Variants in PREPL observed in about 807,000 individuals in gnomAD.
The protein encoded by PREPL is prolyl endopeptidase-like.
In PREPL, 77 loss-of-function variants were observed where a neutral mutation model predicts 70.6. The observed-to-expected ratio is 1.09, with a 90% confidence interval of 0.91 to 1.32. The LOEUF (loss-of-function observed/expected upper bound fraction) is 1.32, where lower values mean the gene tolerates loss of function less well. Among genes scored for constraint, PREPL ranks in the 40% most tolerant of loss-of-function variants. The pLI is 0.00. For synonymous variants in PREPL, 315 were observed against 264.8 expected, an observed-to-expected ratio of 1.19 and a Z score of -1.84; for missense variants, 1,002 against 778.2, an observed-to-expected ratio of 1.29 and a Z score of -3.42.
At chr2:44,355,634 T>C (rs1335710316) in intron 1 of PREPL, among the ~76,000 whole-genome samples, 2 of 152,112 alleles carry the variant, frequency 1.3e-5, no homozygotes, top group African/African-American at 4.8e-5. Flanking sequence ...TTATTCTCTA[T>C]TCTGTCAGAG....
chr2:44,359,814 G>T, intron 1 of PREPL: 1 of 809,400 alleles, frequency 1.2e-6, no homozygotes, highest in Non-Finnish European at 2.0e-6. Flanking sequence ...GAGTAACTAA[G>T]ATCAGCAGTT....
Position 44,326,758 on chromosome 2 carries a change from G to A in PREPL, c.1433C>T (p.Ala478Val), listed in dbSNP as rs1202291365. ...CAGCTCTGGATTAGAATTACACAAT[G>A]CTCCTGCAAGCACCCCTCCAGCACT... is the stretch of plus-strand genomic sequence containing the variant. ...AFSAGGVLAG[A>V]LCNSNPELVR... The change falls in exon 10 of 14, where the codon GCA becomes GTA. Residue 478 changes from alanine to valine, a missense_variant. Coordinates refer to ENST00000409411, the MANE Select transcript of PREPL (RefSeq NM_001171613.2). 8.1e-6 allele frequency: 13 copies of A among 1,614,096 alleles called. No individual in the cohort carries two copies. Among genetic ancestry groups the A allele is most frequent in the Non-Finnish European group, 1.1e-5 (13 of 1,180,012 alleles).
intron 1 of PREPL, among the ~76,000 whole-genome samples, chr2:44,353,594 T>A (rs2616453): frequency 0.67 from 99,251 of 148,692 alleles, 33,666 homozygotes; most frequent in African/African-American, 0.74. Context: ...TCTCAAAAAA[T>A]AAATAAATAA....
exon 1 of PREPL, chr2:44,361,492 TGCG>T: frequency 6.5e-6 from 1 of 153,344 alleles, no homozygotes; most frequent in South Asian, 2.0e-4. Flanking sequence ...AGCCGAAGTC[TGCG>T]TTCCGCAGCC....
chr2:44,330,510 A>C (rs1292838591), intron 8 of PREPL, among the ~76,000 whole-genome samples: 1 of 152,238 alleles, frequency 6.6e-6, no homozygotes, highest in Non-Finnish European at 1.5e-5. Flanking sequence ...GATTATTTCT[A>C]AGAGGTGCAG....
chr2:44,338,849 A>G (rs180683083), intron 6 of PREPL, among the ~76,000 whole-genome samples: 28 of 152,364 alleles, frequency 1.8e-4, no homozygotes, highest in Admixed American at 1.4e-3. Context: ...TGCCTAGCTG[A>G]GATCAATCCA....
chr2:44,324,125 G>A (rs965114757), intron 10 of PREPL, among the ~76,000 whole-genome samples: 5 of 152,142 alleles, frequency 3.3e-5, no homozygotes, highest in African/African-American at 4.8e-5. Flanking sequence ...TCTGATCCAC[G>A]CTACAATATG....
chr2:44,336,858 G>A (rs1343100592), intron 7 of PREPL, among the ~76,000 whole-genome samples: 1 of 152,040 alleles, frequency 6.6e-6, no homozygotes, highest in Non-Finnish European at 1.5e-5. Context: ...CATTACATTT[G>A]ATCTTTTGAT....
intron 1 of PREPL, among the ~76,000 whole-genome samples, chr2:44,352,189 TC>T (rs1275412906): frequency 6.6e-6 from 1 of 152,154 alleles, no homozygotes; most frequent in Non-Finnish European, 1.5e-5. Context: ...ATTCACATCT[TC>T]CCCGTCTTTT....
At chr2:44,322,963 T>G in intron 11 of PREPL, 109 bp from the exon 12 acceptor site, 2 of 1,417,056 alleles carry the variant, frequency 1.4e-6, no homozygotes, top group Non-Finnish European at 9.5e-7. Flanking sequence ...AAGTGCTCTA[T>G]GCTTTTTCTC....
chr2:44,322,923 GA>G (rs934293134), intron 11 of PREPL, 69 bp from the exon 12 acceptor site: 1 of 1,542,896 alleles, frequency 6.5e-7, no homozygotes, highest in Non-Finnish European at 8.7e-7. Flanking sequence ...TAGAGACTAT[GA>G]AAAATAATTA....
At chr2:44,334,832 G>T (rs953060306) in intron 7 of PREPL, among the ~76,000 whole-genome samples, 3 of 152,102 alleles carry the variant, frequency 2.0e-5, no homozygotes, top group African/African-American at 7.2e-5. Context: ...CGCCTGCCTT[G>T]GTCTCCCAAA....
rs943164834 is a variant in PREPL at position 44,359,689 on chromosome 2, G to A, written c.-49+1691C>T. 3.1e-6 allele frequency: 5 copies of A among 1,612,774 alleles called. No homozygotes were observed. In the Admixed American group the frequency reaches 8.3e-5, roughly 27 times the overall value. On this transcript the variant is annotated intron_variant, in intron 1 of 13. Coordinates refer to ENST00000409411, the MANE Select transcript of PREPL (RefSeq NM_001171613.2). ...GAGGAATACTATACTTCAAAGCTTGGAGAAATAATTTGGTCTTCTGCTGCA... is the reference window on the plus strand; with the variant it reads ...GAGGAATACTATACTTCAAAGCTTGAAGAAATAATTTGGTCTTCTGCTGCA...
intron 4 of PREPL, 71 bp downstream of exon 4, chr2:44,343,674 C>G: frequency 7.0e-7 from 1 of 1,424,976 alleles, no homozygotes; most frequent in Non-Finnish European, 9.8e-7. Flanking sequence ...CCCTCACATG[C>G]GACAAAAAAA....
At chr2:44,355,738 A>C (rs569516599) in intron 1 of PREPL, among the ~76,000 whole-genome samples, 1 of 140,328 alleles carries the variant, frequency 7.1e-6, no homozygotes, top group Non-Finnish European at 1.5e-5. Flanking sequence ...TGCAAGATAT[A>C]CAAAACTACA....
In PREPL at chr2:44,353,115, G is replaced by C. The variant is rs147559721; in HGVS notation, c.-48-6725C>G. Among the ~76,000 whole-genome samples, 649 of 152,176 alleles carry C rather than the reference G, an allele frequency of 4.3e-3. 1 individual carries two copies. The highest frequency in any genetic ancestry group is 0.015 in the African/African-American group (621 of 41,518). ...AAGTTTTGGATTTTGGAGCATTTCA[G>C]ATTTTGTATTAGGGATGGTCTACCT... On this transcript the variant is annotated intron_variant, in intron 1 of 13. Transcript: ENST00000409411.
chr2:44,332,776 G>A (rs1346215628), intron 7 of PREPL, 120 bp from the exon 8 acceptor site: 12 of 737,778 alleles, frequency 1.6e-5, no homozygotes, highest in Non-Finnish European at 2.2e-5. Flanking sequence ...TTGTTACCAC[G>A]TCATGCCTCA....
intron 10 of PREPL, 99 bp from the exon 11 acceptor site, chr2:44,323,510 G>C (rs1673190957): frequency 1.0e-6 from 1 of 955,142 alleles, no homozygotes; most frequent in Non-Finnish European, 1.5e-6. Flanking sequence ...TAATATGAGA[G>C]AAAATAACTC....
chr2:44,350,021 A>G (rs967517284), intron 1 of PREPL, among the ~76,000 whole-genome samples: 5 of 152,308 alleles, frequency 3.3e-5, no homozygotes, highest in Admixed American at 2.0e-4. Context: ...TGGATCTTCA[A>G]GAAACAGCTA....
Sources: allele counts gnomAD v4.1 joint callset (sites outside exome capture counted in the v4.1 genomes callset), GRCh38; gene constraint gnomAD v4.1.1; transcripts MANE v1.5; gene names NCBI Gene and HGNC (gene_info 2026-07-23, HGNC 2026-07-21).